Variants in NECAB1 observed in about 807,000 individuals in gnomAD.
NECAB1 encodes the protein N-terminal EF-hand calcium binding protein 1.
A neutral mutation model predicts 57.5 loss-of-function variants in NECAB1; 29 were observed. The ratio of observed to expected loss-of-function variants is 0.50; its 90% CI spans 0.38 to 0.69. The LOEUF (loss-of-function observed/expected upper bound fraction) is 0.69. NECAB1 is among the 30% of genes least tolerant of loss of function. The pLI, the probability that NECAB1 is intolerant of heterozygous loss-of-function variation, is 0.00. For synonymous variants in NECAB1, 142 were observed against 147.7 expected, an observed-to-expected ratio of 0.96 and a Z score of 0.28; for missense variants, 372 against 413.8, an observed-to-expected ratio of 0.90 and a Z score of 0.88.
chr8:90,872,937 C>G (rs1808645722), intron 4 of NECAB1, among the ~76,000 whole-genome samples: 1 of 152,148 alleles, frequency 6.6e-6, no homozygotes, highest in South Asian at 2.1e-4. Context: ...CTCATTGAAA[C>G]TATCAGCATT....
intron 5 of NECAB1, among the ~76,000 whole-genome samples, chr8:90,901,511 G>A (rs547247712): frequency 1.3e-5 from 2 of 152,250 alleles, no homozygotes; most frequent in East Asian, 3.9e-4. Context: ...AACATCTTTT[G>A]ATAAAATGGT....
chr8:90,916,794 T>C (rs1213099263), intron 5 of NECAB1, among the ~76,000 whole-genome samples: 1 of 152,182 alleles, frequency 6.6e-6, no homozygotes, highest in Non-Finnish European at 1.5e-5. Flanking sequence ...AGTACACTTA[T>C]TCAGTCTGCA....
At chr8:90,887,564 A>G (rs1485404599) in intron 5 of NECAB1, among the ~76,000 whole-genome samples, 1 of 152,218 alleles carries the variant, frequency 6.6e-6, no homozygotes, top group African/African-American at 2.4e-5. Context: ...AATAAACTTG[A>G]TGTTCAGAAA....
In NECAB1 at chr8:90,852,973, G is replaced by A. The variant is rs139037570; in HGVS notation, c.234-19155G>A. Among the ~76,000 whole-genome samples the A allele has an allele frequency of 5.6e-3, 846 of 152,330 alleles. 7 individuals carry two copies. The highest frequency in any genetic ancestry group is 8.3e-3 in the Non-Finnish European group (567 of 68,022). On this transcript the variant is annotated intron_variant, in intron 3 of 12. Coordinates refer to ENST00000417640, the MANE Select transcript of NECAB1 (RefSeq NM_022351.5). The stretch of plus-strand genomic sequence containing the variant: ...GAGGGCAGCCACCTCATGCGAAAAG[G>A]CAGAGGACCCACTGAGCTGTTAACA...
At chr8:90,860,806 A>G (rs1042363563) in intron 3 of NECAB1, among the ~76,000 whole-genome samples, 3 of 152,158 alleles carry the variant, frequency 2.0e-5, no homozygotes, top group Non-Finnish European at 4.4e-5. Flanking sequence ...CAATATGATG[A>G]TATGAGAGGA....
chr8:90,801,091 T>C (rs1811750184), intron 1 of NECAB1, among the ~76,000 whole-genome samples: 2 of 152,220 alleles, frequency 1.3e-5, no homozygotes, highest in African/African-American at 4.8e-5. Context: ...TTTTATGTTT[T>C]GTTGAATCCC....
intron 3 of NECAB1, among the ~76,000 whole-genome samples, chr8:90,842,127 C>T (rs766720361): frequency 1.3e-5 from 2 of 152,092 alleles, no homozygotes; most frequent in South Asian, 4.1e-4. Flanking sequence ...GTGCAGTAAA[C>T]CACCATGGCA....
At chr8:90,798,530 A>G (rs1232604003) in intron 1 of NECAB1, among the ~76,000 whole-genome samples, 5 of 152,192 alleles carry the variant, frequency 3.3e-5, no homozygotes, top group East Asian at 1.9e-4. Flanking sequence ...GCTCCCACTT[A>G]TAAGTGAGAA....
intron 3 of NECAB1, among the ~76,000 whole-genome samples, chr8:90,838,793 T>C (rs966663002): frequency 3.3e-5 from 5 of 152,210 alleles, no homozygotes; most frequent in African/African-American, 1.2e-4. Context: ...ATAATCTATA[T>C]TTCCAAACTC....
At chr8:90,896,394 G>A (rs1407747682) in intron 5 of NECAB1, among the ~76,000 whole-genome samples, 1 of 152,090 alleles carries the variant, frequency 6.6e-6, no homozygotes, top group South Asian at 2.1e-4. Context: ...CACAAGGTCA[G>A]GAGATCGAGA....
At chr8:90,792,100 C>A in intron 1 of NECAB1, 115 bp downstream of exon 1, 1 of 756,404 alleles carries the variant, frequency 1.3e-6, no homozygotes, top group Non-Finnish European at 2.2e-6. Flanking sequence ...AGAACACAGG[C>A]GAGAACTACC....
At chr8:90,792,721 G>A (rs1032173171) in intron 1 of NECAB1, among the ~76,000 whole-genome samples, 1 of 152,052 alleles carries the variant, frequency 6.6e-6, no homozygotes, top group African/African-American at 2.4e-5. Flanking sequence ...CTTCTGTGCT[G>A]TTTCTTTTTC....
At chr8:90,889,037 C>T (rs1024575413) in intron 5 of NECAB1, among the ~76,000 whole-genome samples, 2 of 152,168 alleles carry the variant, frequency 1.3e-5, no homozygotes, top group African/African-American at 4.8e-5. Flanking sequence ...GAGATGTTTT[C>T]ATCAGTTGTA....
chr8:90,917,560 GC>G lies in NECAB1; in HGVS notation c.427del (p.Leu143CysfsTer66). 7 of 1,612,182 alleles carry G rather than the reference GC, an allele frequency of 4.3e-6. No individual in the cohort carries two copies. Among genetic ancestry groups the G allele is most frequent in the Non-Finnish European group, 5.9e-6 (7 of 1,178,934 alleles). ...RFLLKETLNQLQSLQNSLECA... is the reference protein window; with the variant it reads ...RFLLKETLNQXQSLQNSLECA... ...TTTTATTGAAGGAAACCCTGAATCA[GC>G]TGCAGTCTCTCCAGAATTCCCTGGA... On this transcript the variant is annotated frameshift_variant, in exon 6 of 13. Coordinates refer to ENST00000417640, the MANE Select transcript of NECAB1 (RefSeq NM_022351.5). LOFTEE classifies it high-confidence loss of function.
At chr8:90,920,586 G>C (rs1182116667) in intron 6 of NECAB1, among the ~76,000 whole-genome samples, 2 of 152,144 alleles carry the variant, frequency 1.3e-5, no homozygotes, top group African/African-American at 2.4e-5. Context: ...TCTCTAGAGG[G>C]ATCCGTCTCA....
intron 5 of NECAB1, among the ~76,000 whole-genome samples, chr8:90,898,521 T>C (rs1179144074): frequency 6.6e-6 from 1 of 152,194 alleles, no homozygotes; most frequent in African/African-American, 2.4e-5. Context: ...TCAACAGAAG[T>C]AGCAGCTCCA....
intron 10 of NECAB1, among the ~76,000 whole-genome samples, chr8:90,943,044 T>C (rs1000159832): frequency 3.3e-5 from 5 of 151,974 alleles, no homozygotes. Flanking sequence ...TTTATATTTA[T>C]AAAAAAGGCG....
intron 5 of NECAB1, among the ~76,000 whole-genome samples, chr8:90,887,218 A>G (rs1809024587): frequency 6.6e-6 from 1 of 152,184 alleles, no homozygotes; most frequent in East Asian, 1.9e-4. Context: ...CAGTCTGTAT[A>G]TAGTCTTTAA....
At chr8:90,945,072 AT>A (rs892640336) in intron 10 of NECAB1, among the ~76,000 whole-genome samples, 3 of 150,190 alleles carry the variant, frequency 2.0e-5, no homozygotes, top group Non-Finnish European at 3.0e-5. Context: ...TAATTTATTT[AT>A]TTTTTTTTGA....
Sources: gnomAD v4.1 joint callset for allele counts (sites outside exome capture counted in the v4.1 genomes callset) on GRCh38, gnomAD v4.1.1 for gene constraint, MANE v1.5 for transcripts, NCBI Gene and HGNC (gene_info 2026-07-23, HGNC 2026-07-21) for gene names.